Variants in LUZP2 observed in about 807,000 individuals in gnomAD.
LUZP2 encodes the protein leucine zipper protein 2.
In LUZP2, 52 loss-of-function variants were observed where a neutral mutation model predicts 51.6. That is an observed-to-expected ratio of 1.01 (90% confidence interval 0.81 to 1.27). The LOEUF (loss-of-function observed/expected upper bound fraction) is 1.27, where lower values mean the gene tolerates loss of function less well. Among genes scored for constraint, LUZP2 ranks in the 50% most tolerant of loss-of-function variants. LUZP2 has a pLI of 0.00. For synonymous variants in LUZP2, 154 were observed against 137.3 expected (o/e 1.12, Z -0.85); for missense variants, 436 against 395.4 (o/e 1.10, Z -0.87).
chr11:24,646,773 A>G (rs985434614), intron 1 of LUZP2, among the ~76,000 whole-genome samples: 1 of 152,048 alleles, frequency 6.6e-6, no homozygotes, highest in Non-Finnish European at 1.5e-5. Context: ...GCTGGATAAC[A>G]TGCTTCTCAT....
chr11:24,845,964 T>C (rs569086578), intron 5 of LUZP2, among the ~76,000 whole-genome samples: 31 of 152,280 alleles, frequency 2.0e-4, no homozygotes, highest in Non-Finnish European at 3.8e-4. Context: ...AGGAATTTAC[T>C]TAACATGCTA....
At chr11:25,076,325 G>A (rs911795326) in intron 10 of LUZP2, among the ~76,000 whole-genome samples, 1 of 152,142 alleles carries the variant, frequency 6.6e-6, no homozygotes, top group Non-Finnish European at 1.5e-5. Flanking sequence ...AATTACAAGT[G>A]TGAGCCATTT....
chr11:25,025,941 C>A (rs565394070), intron 9 of LUZP2, among the ~76,000 whole-genome samples: 34 of 152,254 alleles, frequency 2.2e-4, no homozygotes, highest in African/African-American at 7.7e-4. Context: ...GGCACATATA[C>A]ACCATGGAAT....
rs138227810 is a variant in LUZP2, at chr11:24,983,317, T to G, written c.765+24T>G. 37 of 1,607,294 alleles carry G rather than the reference T, an allele frequency of 2.3e-5. No individual in the cohort carries two copies. In the East Asian group the frequency reaches 8.3e-4, roughly 36 times the overall value. On this transcript the variant is annotated intron_variant, in intron 9 of 11. Coordinates refer to ENST00000336930, the MANE Select transcript of LUZP2 (RefSeq NM_001009909.4). ...AGGTACCTACCTTTTATTTGCGCTT[T>G]GTAAAGTAACAGCAAGTAATGTGTT... is the stretch of plus-strand genomic sequence containing the variant.
In LUZP2 at chr11:24,641,726, T is replaced by C. The variant is rs377740970; in HGVS notation, c.63-87443T>C. 2.6e-4 allele frequency among the ~76,000 whole-genome samples: 39 copies of C among 152,016 alleles called. No individual in the cohort carries two copies. The East Asian group carries it at 6.6e-3, about 26-fold the overall frequency. On this transcript the variant is annotated intron_variant, in intron 1 of 11. Transcript: ENST00000336930. Reference sequence around the variant, plus strand: ...TTACAAATGCCATAAGTAGTATCATTCACAATGATTTATCTTTGAAAACCT... The same window carrying C: ...TTACAAATGCCATAAGTAGTATCATCCACAATGATTTATCTTTGAAAACCT...
chr11:24,665,274 T>A (rs1357583712), intron 1 of LUZP2, among the ~76,000 whole-genome samples: 4 of 152,308 alleles, frequency 2.6e-5, no homozygotes, highest in Admixed American at 2.0e-4. Context: ...CAATTTGGAA[T>A]GGGTGTATTT....
chr11:25,055,011 C>CTTTTTTTTTTTTTTT (rs71044332), intron 10 of LUZP2, among the ~76,000 whole-genome samples: 2 of 79,028 alleles, frequency 2.5e-5, no homozygotes, highest in African/African-American at 8.8e-5. Context: ...TTTTTCTTTT[C>CTTTTTTTTTTTTTTT]TTTTTTTTTT....
At position 25,075,049 on chromosome 11, in the gene LUZP2, C is replaced by T. The variant is rs1046692895; in HGVS notation, c.859-2280C>T. ...GATTTCTTACAATTAGTTAATTTTT[C>T]GAAGGGTAAATGCAAGAATAATAAA... On this transcript the variant is annotated intron_variant, in intron 10 of 11. Coordinates refer to ENST00000336930, the MANE Select transcript of LUZP2 (RefSeq NM_001009909.4). Among the ~76,000 whole-genome samples the T allele has an allele frequency of 1.4e-4, 22 of 152,116 alleles. 1 individual carries two copies. Among genetic ancestry groups the T allele is most frequent in the Admixed American group, 1.1e-3 (17 of 15,274 alleles).
At chr11:24,679,106 T>C (rs1238070304) in intron 1 of LUZP2, among the ~76,000 whole-genome samples, 1 of 152,198 alleles carries the variant, frequency 6.6e-6, no homozygotes, top group African/African-American at 2.4e-5. Flanking sequence ...TAAAGTAAAA[T>C]ATGTGTAGAA....
intron 7 of LUZP2, among the ~76,000 whole-genome samples, chr11:24,917,326 C>G (rs963776641): frequency 4.6e-5 from 7 of 152,094 alleles, no homozygotes; most frequent in African/African-American, 1.2e-4. Flanking sequence ...TGTGCAGAAG[C>G]TTTTTAGTTT....
intron 5 of LUZP2, among the ~76,000 whole-genome samples, chr11:24,858,380 A>G (rs1047702509): frequency 1.3e-5 from 2 of 152,160 alleles, no homozygotes; most frequent in African/African-American, 4.8e-5. Flanking sequence ...AGATAAAACT[A>G]TTGTATTCTG....
At chr11:25,039,622 G>C (rs1236305250) in intron 9 of LUZP2, among the ~76,000 whole-genome samples, 1 of 152,108 alleles carries the variant, frequency 6.6e-6, no homozygotes, top group Non-Finnish European at 1.5e-5. Context: ...TAATACCTGG[G>C]GAGATCCCCC....
intron 5 of LUZP2, among the ~76,000 whole-genome samples, chr11:24,897,074 T>A (rs1565073667): frequency 6.6e-6 from 1 of 152,120 alleles, no homozygotes; most frequent in Admixed American, 6.5e-5. Flanking sequence ...CAGTGCTCTG[T>A]GTCTAGTTAA....
chr11:24,733,595 A>G (rs932337020), intron 3 of LUZP2, among the ~76,000 whole-genome samples: 1 of 151,704 alleles, frequency 6.6e-6, no homozygotes, highest in Admixed American at 6.6e-5. Context: ...TGGAGATTAG[A>G]GTGGTGATTA....
At chr11:24,908,428 G>A (rs1216473741) in intron 6 of LUZP2, among the ~76,000 whole-genome samples, 15 of 152,062 alleles carry the variant, frequency 9.9e-5, no homozygotes, top group East Asian at 1.9e-4. Flanking sequence ...CTTTTTCATC[G>A]TCCTTGTCTT....
At chr11:25,001,386 G>C (rs1856677375) in intron 9 of LUZP2, among the ~76,000 whole-genome samples, 1 of 152,124 alleles carries the variant, frequency 6.6e-6, no homozygotes, top group African/African-American at 2.4e-5. Context: ...TCGCCTCAGA[G>C]GAACCATCTA....
intron 1 of LUZP2, among the ~76,000 whole-genome samples, chr11:24,598,978 T>C (rs927570216): frequency 1.3e-5 from 2 of 152,190 alleles, no homozygotes; most frequent in African/African-American, 4.8e-5. Context: ...GTTTTCATTC[T>C]CTAAACCATT....
At chr11:24,741,839 A>G (rs1297793689) in intron 4 of LUZP2, among the ~76,000 whole-genome samples, 1 of 140,776 alleles carries the variant, frequency 7.1e-6, no homozygotes, top group African/African-American at 2.7e-5. Flanking sequence ...ATTTATATAT[A>G]TTTATAAATA....
chr11:24,568,486 T>C (rs1852322263), intron 1 of LUZP2, among the ~76,000 whole-genome samples: 1 of 151,710 alleles, frequency 6.6e-6, no homozygotes, highest in Non-Finnish European at 1.5e-5. Context: ...TAGGCAGATA[T>C]AACAATGAAA....
Sources: allele counts gnomAD v4.1 joint callset (sites outside exome capture counted in the v4.1 genomes callset), GRCh38; gene constraint gnomAD v4.1.1; transcripts MANE v1.5; gene names NCBI Gene and HGNC (gene_info 2026-07-23, HGNC 2026-07-21).